Variants in CCNJL observed in about 807,000 individuals in gnomAD.
The protein encoded by CCNJL is cyclin J like.
Under a neutral mutation model 33.4 loss-of-function variants are expected in CCNJL, and 33 were observed. The ratio of observed to expected loss-of-function variants is 0.99; its 90% confidence interval spans 0.75 to 1.32. CCNJL has a LOEUF of 1.32. CCNJL is among the 40% of genes most tolerant of loss of function. The pLI is 0.00. For synonymous variants in CCNJL, 227 were observed against 220.9 expected, an observed-to-expected ratio of 1.03 and a Z score of -0.24; for missense variants, 512 against 499.7, an observed-to-expected ratio of 1.02 and a Z score of -0.23.
chr5:160,296,440 G>A (rs1164775972), intron 2 of CCNJL, among the ~76,000 whole-genome samples: 3 of 152,172 alleles, frequency 2.0e-5, no homozygotes, highest in Admixed American at 6.5e-5. Flanking sequence ...CTTTTTGTTC[G>A]CTGGTCCTTT....
rs1460154759 is a variant in CCNJL, at chr5:160,312,409, A to G, written c.-95T>C. On this transcript the variant is annotated 5_prime_UTR_variant, in exon 1 of 6. Transcript: ENST00000257536. ...GGGCTGCGAGCGCCGGGCCCCTCCC[A>G]GTGCCGAGCCAGCCGTGCCCTCTGG... 2 of 156,460 alleles carry G rather than the reference A, an allele frequency of 1.3e-5. No homozygotes were observed. Among genetic ancestry groups the G allele is most frequent in the Non-Finnish European group, 2.8e-5 (2 of 70,884 alleles). 9.7% of individuals were successfully genotyped at this position (156,460 alleles called of 1,614,324 possible).
chr5:160,331,237 T>G (rs1763604275), intron 1 of CCNJL, among the ~76,000 whole-genome samples: 1 of 150,328 alleles, frequency 6.7e-6, no homozygotes, highest in Admixed American at 6.6e-5. Flanking sequence ...TTTTTTTTTT[T>G]TTGTGAGATG....
chr5:160,301,377 A>C (rs563258081), intron 2 of CCNJL, among the ~76,000 whole-genome samples: 1 of 152,316 alleles, frequency 6.6e-6, no homozygotes, highest in Admixed American at 6.5e-5. Context: ...TGATTGCCTA[A>C]GGCTGGGGGC....
At chr5:160,260,622 G>C (rs375996305) in intron 3 of CCNJL, among the ~76,000 whole-genome samples, 1 of 152,030 alleles carries the variant, frequency 6.6e-6, no homozygotes, top group Non-Finnish European at 1.5e-5. Context: ...AGGGGCTGGT[G>C]GGGGGGCATG....
chr5:160,331,674 T>C (rs900046942), intron 1 of CCNJL, among the ~76,000 whole-genome samples: 15 of 152,228 alleles, frequency 9.9e-5, no homozygotes, highest in African/African-American at 3.6e-4. Flanking sequence ...ATCCACTTGG[T>C]CAACCTTCAA....
At chr5:160,272,033 T>C (rs1385270954) in intron 3 of CCNJL, among the ~76,000 whole-genome samples, 1 of 152,192 alleles carries the variant, frequency 6.6e-6, no homozygotes, top group East Asian at 1.9e-4. Context: ...TATTGCCCCA[T>C]TTGCAGCTGC....
At chr5:160,292,682 GTT>G (rs1762625169) in intron 2 of CCNJL, among the ~76,000 whole-genome samples, 1 of 125,146 alleles carries the variant, frequency 8.0e-6, no homozygotes, top group African/African-American at 4.2e-5. Flanking sequence ...ATATATAGTA[GTT>G]TTATATATAT....
At chr5:160,277,751 T>G (rs1197679846) in intron 3 of CCNJL, among the ~76,000 whole-genome samples, 2 of 150,904 alleles carry the variant, frequency 1.3e-5, no homozygotes, top group Non-Finnish European at 3.0e-5. Context: ...TCTGTTTTTT[T>G]TTTTTTTTTT....
chr5:160,298,058 G>A (rs1056471282), intron 2 of CCNJL, among the ~76,000 whole-genome samples: 8 of 152,270 alleles, frequency 5.3e-5, no homozygotes, highest in African/African-American at 1.9e-4. Flanking sequence ...CTAAGGTCAG[G>A]CGGGGACAGC....
chr5:160,323,408 A>G (rs1376925886), intron 1 of CCNJL, among the ~76,000 whole-genome samples: 1 of 152,184 alleles, frequency 6.6e-6, no homozygotes, highest in Non-Finnish European at 1.5e-5. Context: ...AAATATTTTT[A>G]CTAGCTACAT....
chr5:160,259,177 A>G (rs1761206640), intron 4 of CCNJL, among the ~76,000 whole-genome samples: 1 of 152,202 alleles, frequency 6.6e-6, no homozygotes, highest in Admixed American at 6.5e-5. Context: ...AATCTGTGCT[A>G]TTTAATTCAT....
intron 1 of CCNJL, among the ~76,000 whole-genome samples, chr5:160,338,937 C>T (rs1241030091): frequency 6.6e-6 from 1 of 152,064 alleles, no homozygotes; most frequent in African/African-American, 2.4e-5. Context: ...ATTATAGGCA[C>T]CTGCCACCAT....
intron 3 of CCNJL, chr5:160,269,629 A>G (rs948802411): frequency 2.6e-6 from 1 of 378,220 alleles, no homozygotes. Flanking sequence ...TTCCAGATAC[A>G]AGAGCTGGTC....
In CCNJL at chr5:160,250,773, T is replaced by TTAA. The variant is rs554059045; in HGVS notation, c.*2604_*2605insTTA. The TTAA allele has an allele frequency of 1.1e-4, 17 of 152,328 alleles. 1 individual carries two copies. In the South Asian group the frequency reaches 3.5e-3, roughly 32 times the overall value. The allele number at this position is 152,328 out of a possible 1,614,324, so 9.4% of individuals were successfully genotyped here. On this transcript the variant is annotated 3_prime_UTR_variant, in exon 6 of 6. Coordinates refer to ENST00000257536, the MANE Select transcript of CCNJL (RefSeq NM_001308173.3). Reference sequence around the variant, plus strand: ...TGATTTAGTTTTCTAAAAAGTCTTATTAGTGCATAAAATAATAGTGCATCT... The same window carrying TTAA: ...TGATTTAGTTTTCTAAAAAGTCTTATTAATAGTGCATAAAATAATAGTGCATCT...
At chr5:160,294,730 T>C (rs1297679779) in intron 2 of CCNJL, 1 of 152,272 alleles carries the variant, frequency 6.6e-6, no homozygotes, top group Non-Finnish European at 1.5e-5. Flanking sequence ...CCCCATACCT[T>C]CTGGAGTGGA....
upstream of CCNJL, among the ~76,000 whole-genome samples, chr5:160,316,966 C>T (rs924906567): frequency 3.3e-5 from 5 of 152,202 alleles, no homozygotes; most frequent in Non-Finnish European, 7.3e-5. Context: ...ACTCAACTGT[C>T]CAGGGGAAGT....
intron 1 of CCNJL, among the ~76,000 whole-genome samples, chr5:160,325,357 C>G (rs1763521440): frequency 6.6e-6 from 1 of 152,140 alleles, no homozygotes. Flanking sequence ...AGTCATTGGT[C>G]TCCTTTCCTG....
intron 3 of CCNJL, chr5:160,276,415 C>G (rs1172401330): frequency 1.2e-5 from 1 of 86,684 alleles, no homozygotes; most frequent in African/African-American, 4.2e-5. Context: ...AACTCCGTCT[C>G]AAAAAAAAAA....
chr5:160,305,391 G>C (rs2113441098), intron 2 of CCNJL, among the ~76,000 whole-genome samples: 1 of 152,326 alleles, frequency 6.6e-6, no homozygotes, highest in Admixed American at 6.5e-5. Flanking sequence ...GGCAATGGCA[G>C]AGGCCAAATC....
Sources: gnomAD v4.1 joint callset for allele counts (sites outside exome capture counted in the v4.1 genomes callset) on GRCh38, gnomAD v4.1.1 for gene constraint, MANE v1.5 for transcripts, NCBI Gene and HGNC (gene_info 2026-07-23, HGNC 2026-07-21) for gene names.